Variants in SRGAP3 observed in about 807,000 individuals in gnomAD.
The protein encoded by SRGAP3 is SLIT-ROBO Rho GTPase activating protein 3, also known as SLIT-ROBO Rho GTPase-activating protein 3.
A neutral mutation model predicts 121.1 loss-of-function variants in SRGAP3; 39 were observed. The observed-to-expected ratio is 0.32, with a 90% CI of 0.25 to 0.42. The LOEUF (loss-of-function observed/expected upper bound fraction) is 0.42. Ranked by LOEUF, SRGAP3 falls within the 10% of genes least tolerant of loss-of-function variation. The probability of loss-of-function intolerance (pLI) is 1.00; values close to 1 mark genes in which losing one functional copy is unlikely to be tolerated. For synonymous variants in SRGAP3, 601 were observed against 570.0 expected, an observed-to-expected ratio of 1.05 and a Z score of -0.77; for missense variants, 1,213 against 1,470.6, an observed-to-expected ratio of 0.82 and a Z score of 2.86.
At chr3:9,093,916 T>A (rs1227081672) in intron 3 of SRGAP3, among the ~76,000 whole-genome samples, 1 of 152,174 alleles carries the variant, frequency 6.6e-6, no homozygotes, top group Non-Finnish European at 1.5e-5. Flanking sequence ...ATTTTTACCT[T>A]TAATTTCCAT....
intron 2 of SRGAP3, among the ~76,000 whole-genome samples, chr3:9,112,258 A>G (rs1948652469): frequency 6.6e-6 from 1 of 152,234 alleles, no homozygotes; most frequent in South Asian, 2.1e-4. Context: ...GCCCCGTTCC[A>G]GGACCTTCTC....
At chr3:9,120,147 C>G (rs917901824) in intron 2 of SRGAP3, among the ~76,000 whole-genome samples, 8 of 152,190 alleles carry the variant, frequency 5.3e-5, no homozygotes, top group Admixed American at 3.9e-4. Flanking sequence ...CAGCAGGAAC[C>G]AAGTCTATCT....
intron 11 of SRGAP3, 71 bp from the exon 12 acceptor site, chr3:9,032,823 T>A: frequency 7.2e-7 from 1 of 1,386,532 alleles, no homozygotes; most frequent in Non-Finnish European, 1.0e-6. Flanking sequence ...AAGATGCTCT[T>A]AAAACCCACG....
At chr3:9,267,435 T>G (rs1329004586) in intron 3 of SRGAP3, among the ~76,000 whole-genome samples, 1 of 152,204 alleles carries the variant, frequency 6.6e-6, no homozygotes, top group African/African-American at 2.4e-5. Context: ...ATGCAGTGGT[T>G]TCAGTTGGGG....
intron 1 of SRGAP3, among the ~76,000 whole-genome samples, chr3:9,170,476 C>G (rs1177204657): frequency 6.6e-6 from 1 of 152,170 alleles, no homozygotes; most frequent in Non-Finnish European, 1.5e-5. Context: ...GACTCACACT[C>G]TCACACAACA....
At chr3:9,070,855 A>C (rs1946672359) in intron 4 of SRGAP3, among the ~76,000 whole-genome samples, 1 of 152,206 alleles carries the variant, frequency 6.6e-6, no homozygotes, top group Non-Finnish European at 1.5e-5. Flanking sequence ...CGCCGCCCTC[A>C]TAGGATCCAA....
At chr3:9,276,314 G>C (rs557662729) in intron 3 of SRGAP3, among the ~76,000 whole-genome samples, 1 of 152,024 alleles carries the variant, frequency 6.6e-6, no homozygotes, top group African/African-American at 2.4e-5. Context: ...AGCTTTTCCT[G>C]TTCCTGTGAG....
At chr3:9,142,505 G>A (rs1011365890) in intron 1 of SRGAP3, among the ~76,000 whole-genome samples, 1 of 152,194 alleles carries the variant, frequency 6.6e-6, no homozygotes, top group Non-Finnish European at 1.5e-5. Context: ...TCCTTTTAAT[G>A]CAATGTGAAA....
intron 1 of SRGAP3, among the ~76,000 whole-genome samples, chr3:9,232,442 C>T (rs1340386124): frequency 1.3e-5 from 2 of 152,108 alleles, no homozygotes; most frequent in Non-Finnish European, 2.9e-5. Flanking sequence ...AACCTCATTA[C>T]CAATCGTCAA....
chr3:9,251,121 C>T (rs1954004907), upstream of SRGAP3, among the ~76,000 whole-genome samples: 1 of 152,172 alleles, frequency 6.6e-6, no homozygotes, highest in Non-Finnish European at 1.5e-5. Flanking sequence ...CAGTGGGCGT[C>T]CCCAGGCAAG....
Position 9,080,070 on chromosome 3 carries a change from C to T in SRGAP3, c.441G>A (p.Leu147=). The change falls in exon 4 of 22, where the codon CTG becomes CTA. Residue 147 remains leucine (L), a synonymous_variant. Transcript: ENST00000383836. The part of the protein sequence containing the change: ...RLFKKSKEIG[L]QMHEELLKVT... Reference sequence around the variant, plus strand: ...CCTTCAGGAGCTCCTCGTGCATCTGCAGGCCAATCTCCTTGCTCTGGAATG... The same window carrying T: ...CCTTCAGGAGCTCCTCGTGCATCTGTAGGCCAATCTCCTTGCTCTGGAATG... The T allele has an allele frequency of 1.2e-6, 2 of 1,614,176 alleles. No individual in the cohort carries two copies. Among genetic ancestry groups the T allele is most frequent in the Non-Finnish European group, 1.7e-6 (2 of 1,180,032 alleles).
At chr3:9,198,130 C>A (rs1268050574) in intron 1 of SRGAP3, among the ~76,000 whole-genome samples, 1 of 152,200 alleles carries the variant, frequency 6.6e-6, no homozygotes, top group Non-Finnish European at 1.5e-5. Flanking sequence ...AACAATTAGA[C>A]TGGTCACAGC....
At chr3:9,013,591 G>GA in intron 16 of SRGAP3, 56 bp from the exon 17 acceptor site, 1 of 1,591,442 alleles carries the variant, frequency 6.3e-7, no homozygotes, top group Admixed American at 1.7e-5. Context: ...CTCCCCCTGT[G>GA]TTTTTTTTCT....
chr3:9,268,635 A>G (rs1261970869), intron 3 of SRGAP3, among the ~76,000 whole-genome samples: 1 of 152,120 alleles, frequency 6.6e-6, no homozygotes, highest in African/African-American at 2.4e-5. Flanking sequence ...CAAGCCGAGG[A>G]CCCAGGTAAG....
Position 9,262,534 on chromosome 3 carries a change from C to CAAAAAAAA in SRGAP3, n.442+63468_442+63475dup, listed in dbSNP as rs765408588. ...GAAGATTTACCAAGCAAATGGAAAG[C>CAAAAAAAA]AAAAAAAAAAAAAAAAAAAAAAGCA... On this transcript the variant is annotated intron_variant and non_coding_transcript_variant, in intron 3 of 3. Coordinates refer to the SRGAP3 transcript ENST00000490889. Among the ~76,000 whole-genome samples, 29 of 25,564 alleles carry CAAAAAAAA rather than the reference C, an allele frequency of 1.1e-3. 2 individuals are homozygous for CAAAAAAAA. The highest frequency in any genetic ancestry group is 2.2e-3 in the South Asian group (1 of 460). The allele number at this position is 25,564 out of a possible 152,430, so 16.8% of individuals were successfully genotyped here. A position where few individuals can be genotyped will look rare whatever the true frequency, so the allele number is the denominator to read the frequency against.
At chr3:9,167,743 A>G (rs569266171) in intron 1 of SRGAP3, among the ~76,000 whole-genome samples, 1 of 152,108 alleles carries the variant, frequency 6.6e-6, no homozygotes, top group South Asian at 2.1e-4. Context: ...AAGGCCATCA[A>G]CTCATCCCAC....
At chr3:9,275,625 CAT>C (rs1954558399) in intron 3 of SRGAP3, among the ~76,000 whole-genome samples, 2 of 152,166 alleles carry the variant, frequency 1.3e-5, no homozygotes, top group South Asian at 4.1e-4. Flanking sequence ...AGGCTCACGA[CAT>C]GTGATGGTTT....
intron 3 of SRGAP3, among the ~76,000 whole-genome samples, chr3:9,288,900 ATTCT>A (rs756971464): frequency 1.1e-3 from 155 of 139,728 alleles, no homozygotes; most frequent in Admixed American, 1.9e-3. Flanking sequence ...TTCCAGTTTA[ATTCT>A]TTCTTTTTTT....
At chr3:9,037,965 C>T (rs1179403660) in intron 11 of SRGAP3, 98 bp downstream of exon 11, 1 of 1,497,516 alleles carries the variant, frequency 6.7e-7, no homozygotes, top group Non-Finnish European at 9.3e-7. Flanking sequence ...GTGAAGAAGC[C>T]ATCCCTGCTT....
Sources: gnomAD v4.1 joint callset for allele counts (sites outside exome capture counted in the v4.1 genomes callset) on GRCh38, gnomAD v4.1.1 for gene constraint, MANE v1.5 for transcripts, NCBI Gene and HGNC (gene_info 2026-07-23, HGNC 2026-07-21) for gene names.